The following HDGFL2 variants were observed in gnomAD, a reference collection of about 807,000 sequenced individuals.
The protein encoded by HDGFL2 is hepatoma-derived growth factor-related protein 2.
In HDGFL2, 36 loss-of-function variants were observed where a neutral mutation model predicts 77.1. That is an observed-to-expected ratio of 0.47 (90% CI 0.36 to 0.62). The LOEUF (loss-of-function observed/expected upper bound fraction) is 0.62, where lower values mean the gene tolerates loss of function less well. HDGFL2 is among the 20% of genes least tolerant of loss of function. The pLI is 0.00. For synonymous variants in HDGFL2, 463 were observed against 413.1 expected (o/e 1.12, Z -1.46); for missense variants, 976 against 973.4 (o/e 1.00, Z -0.04).
Position 4,475,463 on chromosome 19 carries a change from G to A in HDGFL2, c.168G>A (p.Lys56=), listed in dbSNP as rs758459857. 3.1e-6 allele frequency: 5 copies of A among 1,612,646 alleles called. No individual in the cohort carries two copies. In the African/African-American group the frequency reaches 4.0e-5, roughly 13 times the overall value. Residue 56 remains lysine (K), a synonymous_variant, in exon 3 of 16, where the codon AAG becomes AAA. Transcript: ENST00000616600. ...GTHETAFLGP[K]DLFPYDKCKD... is the part of the protein sequence containing the mutation. ...TCTCCAGAGCCTTCCTGGGACCCAAGGACCTGTTCCCCTACGACAAATGTA... is the reference window on the plus strand; with the variant it reads ...TCTCCAGAGCCTTCCTGGGACCCAAAGACCTGTTCCCCTACGACAAATGTA...
intron 10 of HDGFL2, chr19:4,497,087 C>G (rs1484162900): frequency 2.4e-6 from 1 of 425,512 alleles, no homozygotes; most frequent in Non-Finnish European, 4.7e-6. Context: ...GTTGGCCAGG[C>G]TGGTCTCGAT....
At chr19:4,498,072 TGA>T (rs1975755555) in intron 11 of HDGFL2, 41 bp downstream of exon 11, 2 of 1,514,832 alleles carry the variant, frequency 1.3e-6, no homozygotes, top group Middle Eastern at 1.7e-4. Flanking sequence ...CTGAGTTCAC[TGA>T]GGGGAACGGG....
intron 14 of HDGFL2, 109 bp downstream of exon 14, chr19:4,499,813 C>CCTG (rs1044491447): frequency 2.2e-6 from 2 of 911,332 alleles, no homozygotes; most frequent in African/African-American, 3.3e-5. Flanking sequence ...CTGCCCCAAA[C>CCTG]CTGCCAGAGT....
At chr19:4,491,864 G>T (rs1488346650) in intron 6 of HDGFL2, 29 bp downstream of exon 6, 1 of 1,596,850 alleles carries the variant, frequency 6.3e-7, no homozygotes, top group Admixed American at 1.7e-5. Flanking sequence ...TGTTTCCCAT[G>T]CCCACTCGTG....
chr19:4,488,655 T>C (rs1975422254), intron 3 of HDGFL2, 21 bp from the exon 4 acceptor site: 4 of 1,535,562 alleles, frequency 2.6e-6, no homozygotes, highest in African/African-American at 1.4e-5. Flanking sequence ...TGACGCGCGT[T>C]CTCTGCCCCG....
At chr19:4,475,624 T>C (rs1281027598) in intron 3 of HDGFL2, 41 bp downstream of exon 3, 3 of 1,534,104 alleles carry the variant, frequency 2.0e-6, no homozygotes, top group Non-Finnish European at 2.6e-6. Flanking sequence ...AGCGCGCTAC[T>C]GATGCAAGAA....
intron 10 of HDGFL2, chr19:4,496,830 C>A (rs990180981): frequency 4.4e-5 from 17 of 386,862 alleles, no homozygotes; most frequent in African/African-American, 6.4e-5. Context: ...GCATCTTGGT[C>A]CCCCTGTGGT....
In HDGFL2 at chr19:4,501,283, G is replaced by A. The variant is rs781740021; in HGVS notation, c.1882G>A (p.Gly628Arg). ...EHEEGRDSEE[G>R]PRCGSSEDLH... The stretch of plus-strand genomic sequence containing the variant: ...CGAGGAGGGTCGGGACTCGGAGGAG[G>A]GGCCAAGGTGTGGCTCCTCTGAAGA... Residue 628 changes from glycine to arginine, a missense_variant, in exon 15 of 16, where the codon GGG becomes AGG. This residue lies in a region of HDGFL2 where 229 missense variants were observed against 187.3 expected (regional missense o/e 1.22). Transcript: ENST00000616600. 6.8e-6 allele frequency: 11 copies of A among 1,610,368 alleles called. No homozygotes were observed. The highest frequency in any genetic ancestry group is 7.6e-6 in the Non-Finnish European group (9 of 1,178,010).
In HDGFL2 at chr19:4,472,357, C is replaced by T. The variant is rs769835440; in HGVS notation, c.7C>T (p.His3Tyr). 22 of 1,529,502 alleles carry T rather than the reference C, an allele frequency of 1.4e-5. No individual in the cohort carries two copies. Among genetic ancestry groups the T allele is most frequent in the Admixed American group, 1.0e-4 (5 of 48,686 alleles). 94.7% of individuals were successfully genotyped at this position (1,529,502 alleles called of 1,614,324 possible). MP[H>Y]AFKPGDLVFA... ...TGGGCCTCTCGCCGTCAGCATGCCACACGCCTTCAAGCCCGGGGACTTGGT... is the reference window on the plus strand; with the variant it reads ...TGGGCCTCTCGCCGTCAGCATGCCATACGCCTTCAAGCCCGGGGACTTGGT... Residue 3 changes from histidine to tyrosine, a missense_variant, in exon 1 of 16, where the codon CAC (histidine) becomes TAC (tyrosine). Physicochemically the swap from His to Tyr is moderately conservative, Grantham distance 83. This residue lies in a region of HDGFL2 where 31 missense variants were observed against 24.3 expected (regional missense o/e 1.27). Transcript: ENST00000616600.
In HDGFL2 at chr19:4,494,362, G is replaced by A. The variant is rs1334844357; in HGVS notation, c.1111G>A (p.Gly371Arg). The A allele has an allele frequency of 2.8e-6, 4 of 1,406,588 alleles. No individual in the cohort carries two copies. The highest frequency in any genetic ancestry group is 3.7e-6 in the Non-Finnish European group (4 of 1,085,232). 87.1% of individuals were successfully genotyped at this position (1,406,588 alleles called of 1,614,324 possible). A position where few individuals can be genotyped will look rare whatever the true frequency, so the allele number is the denominator to read the frequency against. The change falls in exon 9 of 16, where the codon GGG becomes AGG. Residue 371 changes from glycine (G) to arginine (R), a missense_variant. By Grantham distance (125) the Gly-to-Arg change is moderately radical. Transcript: ENST00000616600. The part of the protein sequence containing the change: ...EAERGSGGSS[G>R]DELREDDEPV... The stretch of plus-strand genomic sequence containing the variant: ...TGAGCGGGGCAGCGGCGGCAGCAGC[G>A]GGGACGAGCTCAGGGAGGACGATGA...
chr19:4,477,953 G>A (rs1165213547), intron 3 of HDGFL2, among the ~76,000 whole-genome samples: 3 of 151,650 alleles, frequency 2.0e-5, no homozygotes, highest in African/African-American at 4.8e-5. Context: ...GGTGGCAGGC[G>A]CCTATAATCC....
In HDGFL2 at chr19:4,488,838, G is replaced by C; in HGVS notation, c.451G>C (p.Asp151His). 1 of 1,551,614 alleles carries C rather than the reference G, an allele frequency of 6.4e-7. No homozygotes were observed. Among genetic ancestry groups the C allele is most frequent in the Middle Eastern group, 1.7e-4 (1 of 5,994 alleles). The change falls in exon 4 of 16, where the codon GAC becomes CAC. Residue 151 changes from aspartate to histidine, a missense_variant. Physicochemically the swap from Asp to His is moderately conservative, Grantham distance 81 (BLOSUM62 -1). This residue lies in a region of HDGFL2 where 567 missense variants were observed against 534.7 expected (regional missense o/e 1.06). Coordinates refer to ENST00000616600, the MANE Select transcript of HDGFL2 (RefSeq NM_001001520.3). ...CGACTCAGACTCAGACAAGAGTAGC[G>C]ACAACAGTGGCCTGAAGAGGAAGAC... ...ESDSDSDKSS[D>H]NSGLKRKTPA... is the part of the protein sequence containing the mutation.
At chr19:4,475,251 C>G in intron 1 of HDGFL2, 24 bp from the exon 2 acceptor site, 8 of 1,608,530 alleles carry the variant, frequency 5.0e-6, no homozygotes, top group Non-Finnish European at 6.8e-6. Flanking sequence ...GTAAAGCCAC[C>G]CCCTCACTGG....
Position 4,494,017 on chromosome 19 carries a change from C to G in HDGFL2, c.874C>G (p.Pro292Ala). ...KPLPKPRGRK[P>A]KPERPPSSSS... ...TCTCCCGAAGCCGCGAGGGCGGAAACCGAAGCCTGAACGGCCTCCGTCCAG... is the reference window on the plus strand; with the variant it reads ...TCTCCCGAAGCCGCGAGGGCGGAAAGCGAAGCCTGAACGGCCTCCGTCCAG... Residue 292 changes from proline to alanine, a missense_variant, in exon 8 of 16, where the codon CCG becomes GCG. By Grantham distance (27) the Pro-to-Ala change is conservative. This residue lies in a region of HDGFL2 where 567 missense variants were observed against 534.7 expected (regional missense o/e 1.06). Transcript: ENST00000616600. 1 of 1,611,890 alleles carries G rather than the reference C, an allele frequency of 6.2e-7. No homozygotes were observed. The highest frequency in any genetic ancestry group is 8.5e-7 in the Non-Finnish European group (1 of 1,179,438).
In HDGFL2 at chr19:4,480,822, A is replaced by C. The variant is rs577202358; in HGVS notation, c.288+5239A>C. 5.3e-5 allele frequency among the ~76,000 whole-genome samples: 8 copies of C among 152,106 alleles called. No individual in the cohort carries two copies. The South Asian group carries it at 1.7e-3, about 32-fold the overall frequency. On this transcript the variant is annotated intron_variant, in intron 3 of 15. Coordinates refer to ENST00000616600, the MANE Select transcript of HDGFL2 (RefSeq NM_001001520.3). ...TGCTCACTGTGAATCTTGACCATTG[A>C]CATCCCCTCTGTGAGCCTCAGTTTC...
In HDGFL2 at chr19:4,472,434, CGGGAGATGGGGCCGGTGGGGGG is replaced by C; in HGVS notation, c.72+16_72+37del. 1 of 275,340 alleles carries C rather than the reference CGGGAGATGGGGCCGGTGGGGGG, an allele frequency of 3.6e-6. No homozygotes were observed. The highest frequency in any genetic ancestry group is 5.3e-6 in the Non-Finnish European group (1 of 190,034). 17.1% of individuals were successfully genotyped at this position (275,340 alleles called of 1,614,324 possible). ...ACTGGCCTGCCAGGGTGAGGCCGCG[CGGGAGATGGGGCCGGTGGGGGG>C]GGGGGGGGGGGCAGCGGGGGCCCCG... On this transcript the variant is annotated intron_variant, in intron 1 of 15. Coordinates refer to ENST00000616600, the MANE Select transcript of HDGFL2 (RefSeq NM_001001520.3).
chr19:4,498,241 C>A, intron 11 of HDGFL2, 65 bp from the exon 12 acceptor site: 1 of 1,438,718 alleles, frequency 7.0e-7, no homozygotes, highest in Non-Finnish European at 9.7e-7. Context: ...CAGGCTCCTG[C>A]CCTTGAACAG....
chr19:4,473,496 CA>C (rs1974996924), intron 1 of HDGFL2, among the ~76,000 whole-genome samples: 1 of 151,722 alleles, frequency 6.6e-6, no homozygotes, highest in Non-Finnish European at 1.5e-5. Context: ...CAAGTTTGAG[CA>C]GAACTGCGGA....
chr19:4,500,786 T>C (rs1198028158), intron 14 of HDGFL2, among the ~76,000 whole-genome samples: 1 of 152,128 alleles, frequency 6.6e-6, no homozygotes, highest in Admixed American at 6.5e-5. Context: ...TTGTATTTTT[T>C]GTAGAGACAG....
Sources: allele counts gnomAD v4.1 joint callset (sites outside exome capture counted in the v4.1 genomes callset), GRCh38; gene constraint gnomAD v4.1.1; regional missense constraint gnomAD v4.1.1; transcripts MANE v1.5; gene names NCBI Gene and HGNC (gene_info 2026-07-23, HGNC 2026-07-21).